HPCAL1: variants seen among roughly 807,000 people sequenced by gnomAD.
HPCAL1 encodes hippocalcin like 1.
In HPCAL1, 8 loss-of-function variants were observed where a neutral mutation model predicts 17.1. The observed-to-expected ratio is 0.47, with a 90% CI of 0.27 to 0.84. The LOEUF (loss-of-function observed/expected upper bound fraction) is 0.84. Ranked by LOEUF, HPCAL1 falls within the 40% of genes least tolerant of loss-of-function variation. The probability of loss-of-function intolerance (pLI) is 0.13; values close to 1 mark genes in which losing one functional copy is unlikely to be tolerated. For synonymous variants in HPCAL1, 112 were observed against 111.4 expected, an observed-to-expected ratio of 1.01 and a Z score of -0.03; for missense variants, 165 against 271.1, an observed-to-expected ratio of 0.61 and a Z score of 2.75.
intron 1 of HPCAL1, among the ~76,000 whole-genome samples, chr2:10,348,777 T>C (rs969175226): frequency 1.3e-5 from 2 of 152,056 alleles, no homozygotes; most frequent in Admixed American, 1.3e-4. Context: ...AGACTCTGTC[T>C]CAAGAAACAA....
chr2:10,379,207 C>A (rs1667785055), intron 1 of HPCAL1, among the ~76,000 whole-genome samples: 1 of 151,864 alleles, frequency 6.6e-6, no homozygotes, highest in African/African-American at 2.4e-5. Context: ...GTGCGTGATT[C>A]CGAAGACTAC....
chr2:10,319,266 C>T (rs1274841362), intron 1 of HPCAL1, among the ~76,000 whole-genome samples: 1 of 152,174 alleles, frequency 6.6e-6, no homozygotes, highest in African/African-American at 2.4e-5. Context: ...TTTTCATTTT[C>T]CCTCTGCAAG....
chr2:10,356,689 C>G, intron 1 of HPCAL1, among the ~76,000 whole-genome samples: 1 of 152,148 alleles, frequency 6.6e-6, no homozygotes, highest in Non-Finnish European at 1.5e-5. Context: ...ATCACGTCCC[C>G]CAGTGTGTAA....
rs1667632852 is a variant in HPCAL1 at position 10,377,307 on chromosome 2, C to A, written c.-110-19528C>A. Among the ~76,000 whole-genome samples, 1 of 152,232 alleles carries A rather than the reference C, an allele frequency of 6.6e-6. No individual in the cohort carries two copies. Among genetic ancestry groups the A allele is most frequent in the Non-Finnish European group, 1.5e-5 (1 of 68,044 alleles). ...AATGCAACCCTGCCCCCGAGCCAGG[C>A]CCCAGGCTGCACCTTTCCACTGCTT... On this transcript the variant is annotated intron_variant, in intron 1 of 4. Transcript: ENST00000307845. The surrounding 1 kb of genome is among the most constrained non-coding windows in gnomAD (Gnocchi z 5.9).
rs117091253 is a variant in HPCAL1, at chr2:10,311,304, C to T, written c.-111+8127C>T. On this transcript the variant is annotated intron_variant, in intron 1 of 4. Transcript: ENST00000307845. ...GGGGTGGGACATGAGATGTGGCTGC[C>T]GTGGCTTCTCTGTGTCTTTCTTCCC... Among the ~76,000 whole-genome samples, 30 of 152,296 alleles carry T rather than the reference C, an allele frequency of 2.0e-4. 1 individual carries two copies. The East Asian group carries it at 5.6e-3, about 28-fold the overall frequency.
intron 1 of HPCAL1, among the ~76,000 whole-genome samples, chr2:10,338,457 C>G (rs961202163): frequency 6.6e-6 from 1 of 152,184 alleles, no homozygotes; most frequent in Non-Finnish European, 1.5e-5. Context: ...GTCTTCCCAT[C>G]TGTGAAGTAG....
chr2:10,413,874 T>TA (rs539973164), intron 2 of HPCAL1, among the ~76,000 whole-genome samples: 206 of 152,346 alleles, frequency 1.4e-3, no homozygotes, highest in Admixed American at 0.012. Flanking sequence ...TCCCAGGGCC[T>TA]AGAACTTCAC....
intron 1 of HPCAL1, among the ~76,000 whole-genome samples, chr2:10,380,475 TC>T (rs1170663769): frequency 2.0e-5 from 3 of 152,156 alleles, no homozygotes; most frequent in African/African-American, 4.8e-5. Flanking sequence ...GCCAAAGGCC[TC>T]CCCAGCTGTG....
At chr2:10,345,094 CCT>C (rs1039300078) in intron 1 of HPCAL1, among the ~76,000 whole-genome samples, 1 of 151,372 alleles carries the variant, frequency 6.6e-6, no homozygotes, top group South Asian at 2.1e-4. Flanking sequence ...TCTCTTTCTG[CCT>C]CTCTCTGTGT....
chr2:10,424,110 A>C, intron 4 of HPCAL1: 1 of 192,712 alleles, frequency 5.2e-6, no homozygotes, highest in East Asian at 1.3e-4. Context: ...TAAAGAGGAA[A>C]TACTCCCTGG....
At chr2:10,372,641 G>T (rs1667295874) in intron 1 of HPCAL1, among the ~76,000 whole-genome samples, 2 of 152,336 alleles carry the variant, frequency 1.3e-5, no homozygotes, top group East Asian at 3.9e-4. Flanking sequence ...GCTGAGATCA[G>T]CCTGGAGAGC....
intron 1 of HPCAL1, among the ~76,000 whole-genome samples, chr2:10,355,092 C>T (rs1392180779): frequency 6.6e-6 from 1 of 152,162 alleles, no homozygotes; most frequent in East Asian, 1.9e-4. Flanking sequence ...GTAGGATCCT[C>T]CTGGGGCTAG....
intron 1 of HPCAL1, among the ~76,000 whole-genome samples, chr2:10,385,362 G>GCAATGTC (rs1668239572): frequency 1.3e-5 from 2 of 151,270 alleles, no homozygotes; most frequent in Non-Finnish European, 3.0e-5. Flanking sequence ...TGTCGGGAAT[G>GCAATGTC]CAGGGCTGAA....
intron 1 of HPCAL1, among the ~76,000 whole-genome samples, chr2:10,346,561 G>A (rs1165613787): frequency 6.6e-6 from 1 of 152,188 alleles, no homozygotes; most frequent in Non-Finnish European, 1.5e-5. Flanking sequence ...GAGCCAGTCA[G>A]GCTATAAATG....
rs868850987 is a variant in HPCAL1, at chr2:10,355,406, C to A, written c.-110-41429C>A. Reference sequence around the variant, plus strand: ...GCGGAGCTTGCAGTGAGCCGAGATCCCGCCACTGCACTCCAGCCTGGGCGA... The same window carrying A: ...GCGGAGCTTGCAGTGAGCCGAGATCACGCCACTGCACTCCAGCCTGGGCGA... On this transcript the variant is annotated intron_variant, in intron 1 of 4. Transcript: ENST00000307845. 5.9e-4 allele frequency among the ~76,000 whole-genome samples: 82 copies of A among 139,464 alleles called. 1 individual carries two copies. The highest frequency in any genetic ancestry group is 1.9e-3 in the African/African-American group (71 of 37,218). 91.5% of individuals were successfully genotyped at this position (139,464 alleles called of 152,430 possible).
At chr2:10,318,188 A>G (rs1326156762) in intron 1 of HPCAL1, among the ~76,000 whole-genome samples, 1 of 151,996 alleles carries the variant, frequency 6.6e-6, no homozygotes, top group Non-Finnish European at 1.5e-5. Flanking sequence ...TCAAATATTG[A>G]CAAGTCTTTC....
Position 10,330,579 on chromosome 2 carries a change from C to T in HPCAL1, c.-111+27402C>T, listed in dbSNP as rs1572651941. On this transcript the variant is annotated intron_variant, in intron 1 of 4. Coordinates refer to ENST00000307845, the MANE Select transcript of HPCAL1 (RefSeq NM_002149.4). The surrounding 1 kb of genome is among the most constrained non-coding windows in gnomAD (Gnocchi z 4.2). The stretch of plus-strand genomic sequence containing the variant: ...CCTCGGCTCCGTGTAGCCCTTTCTC[C>T]CTCTGTTCTCACACGGCCATCCCTC... 1.3e-5 allele frequency among the ~76,000 whole-genome samples: 2 copies of T among 152,254 alleles called. No individual in the cohort carries two copies. The highest frequency in any genetic ancestry group is 4.1e-4 in the South Asian group (2 of 4,830).
rs536363762 is a variant in HPCAL1, at chr2:10,318,218, A to T, written c.-111+15041A>T. Among the ~76,000 whole-genome samples the T allele has an allele frequency of 1.2e-4, 18 of 152,142 alleles. No individual in the cohort carries two copies. In the South Asian group the frequency reaches 3.7e-3, roughly 32 times the overall value. The stretch of plus-strand genomic sequence containing the variant: ...TCTTTCTCCTTTCATCCAGTTCAGC[A>T]CCAGCATCCTCAAACTCACTGAAAC... On this transcript the variant is annotated intron_variant, in intron 1 of 4. Transcript: ENST00000307845.
intron 1 of HPCAL1, among the ~76,000 whole-genome samples, chr2:10,328,086 G>C (rs374200365): frequency 1.6e-4 from 24 of 152,368 alleles, no homozygotes; most frequent in East Asian, 1.5e-3. Context: ...CGGAAAGACA[G>C]CCAAGGGGGA....
Sources: gnomAD v4.1 joint callset for allele counts (sites outside exome capture counted in the v4.1 genomes callset) on GRCh38, gnomAD v4.1.1 for gene constraint, Gnocchi (gnomAD v3.1) non-coding constraint, MANE v1.5 for transcripts, NCBI Gene and HGNC (gene_info 2026-07-23, HGNC 2026-07-21) for gene names.